Variants in GPC5 observed in about 807,000 individuals in gnomAD.
The protein encoded by GPC5 is glypican 5.
GPC5 carries 47 observed loss-of-function variants against 53.9 expected under a neutral mutation model. That is an observed-to-expected ratio of 0.87 (90% CI 0.69 to 1.11). The LOEUF (loss-of-function observed/expected upper bound fraction) is 1.11. GPC5 is among the 50% of genes most tolerant of loss of function. The pLI, the probability that GPC5 is intolerant of heterozygous loss-of-function variation, is 0.00. For synonymous variants in GPC5, 286 were observed against 263.3 expected (o/e 1.09, Z -0.84); for missense variants, 748 against 713.1 (o/e 1.05, Z -0.56).
intron 5 of GPC5, among the ~76,000 whole-genome samples, chr13:91,800,217 G>A (rs1482412060): frequency 1.3e-5 from 2 of 151,870 alleles, no homozygotes; most frequent in African/African-American, 4.8e-5. Flanking sequence ...TCAGACACTT[G>A]TACCTTGACA....
At chr13:92,445,217 C>T (rs1248326865) in intron 7 of GPC5, among the ~76,000 whole-genome samples, 1 of 149,542 alleles carries the variant, frequency 6.7e-6, no homozygotes, top group African/African-American at 2.5e-5. Flanking sequence ...CCCTCTCTCT[C>T]CTCTCAAGAG....
intron 2 of GPC5, among the ~76,000 whole-genome samples, chr13:91,568,028 A>G (rs1396605786): frequency 6.6e-6 from 1 of 152,132 alleles, no homozygotes; most frequent in Non-Finnish European, 1.5e-5. Flanking sequence ...TTTCCTTCAC[A>G]TGCTAACACA....
intron 5 of GPC5, 54 bp downstream of exon 5, chr13:91,756,474 T>G (rs750058767): frequency 9.6e-6 from 14 of 1,454,478 alleles, no homozygotes; most frequent in Non-Finnish European, 1.3e-5. Flanking sequence ...TGCTTTCTTT[T>G]TCTGAATCTT....
intron 7 of GPC5, among the ~76,000 whole-genome samples, chr13:92,515,102 A>G (rs577120675): frequency 2.0e-5 from 3 of 152,330 alleles, no homozygotes; most frequent in Admixed American, 1.3e-4. Flanking sequence ...TAAAACCAGT[A>G]AAGAGAATAA....
intron 7 of GPC5, among the ~76,000 whole-genome samples, chr13:92,452,003 A>C (rs1878079708): frequency 6.6e-6 from 1 of 152,256 alleles, no homozygotes; most frequent in African/African-American, 2.4e-5. Context: ...AAGGGGAAAA[A>C]TAGGATTGGG....
chr13:92,561,030 G>T (rs1594305534), intron 7 of GPC5, among the ~76,000 whole-genome samples: 1 of 151,852 alleles, frequency 6.6e-6, no homozygotes, highest in African/African-American at 2.4e-5. Context: ...GATTTATGCA[G>T]TTAAATCTTT....
intron 7 of GPC5, among the ~76,000 whole-genome samples, chr13:92,342,193 A>G (rs2043372417): frequency 1.3e-5 from 2 of 152,072 alleles, no homozygotes; most frequent in African/African-American, 4.8e-5. Flanking sequence ...TGACCTATTC[A>G]GTTGCCTGCT....
intron 7 of GPC5, among the ~76,000 whole-genome samples, chr13:92,429,358 T>C (rs911397895): frequency 1.3e-5 from 2 of 151,892 alleles, no homozygotes. Context: ...CACCTTCCTA[T>C]GACTACTCAG....
At chr13:91,903,185 A>G (rs549296253) in intron 5 of GPC5, among the ~76,000 whole-genome samples, 6 of 152,264 alleles carry the variant, frequency 3.9e-5, no homozygotes, top group African/African-American at 1.4e-4. Context: ...AAATTAGATC[A>G]TAGAATATGT....
chr13:92,850,820 G>T (rs912300976), intron 7 of GPC5, among the ~76,000 whole-genome samples: 2 of 152,060 alleles, frequency 1.3e-5, no homozygotes, highest in Non-Finnish European at 2.9e-5. Flanking sequence ...TACAGTTGAG[G>T]GTAAAAGTAA....
intron 4 of GPC5, among the ~76,000 whole-genome samples, chr13:91,752,157 T>C (rs1360606735): frequency 1.3e-5 from 2 of 152,214 alleles, no homozygotes; most frequent in Non-Finnish European, 1.5e-5. Context: ...ACCAGTCATA[T>C]TGGATTAGCA....
intron 6 of GPC5, among the ~76,000 whole-genome samples, chr13:92,126,123 T>C (rs1281849878): frequency 6.6e-6 from 1 of 151,666 alleles, no homozygotes; most frequent in African/African-American, 2.4e-5. Flanking sequence ...CCCAGCTAAT[T>C]TTTGTATTTT....
At position 92,798,225 on chromosome 13, in the gene GPC5, A is replaced by G. The variant is rs900731737; in HGVS notation, c.1562-68057A>G. ...TTTTTGGGTATTTTTTTGTAGCTCA[A>G]TCAAATTTCAGTAAGACATATAGTT... is the stretch of plus-strand genomic sequence containing the variant. On this transcript the variant is annotated intron_variant, in intron 7 of 7. Transcript: ENST00000377067. Among the ~76,000 whole-genome samples the G allele has an allele frequency of 6.6e-5, 10 of 152,002 alleles. No homozygotes were observed. In the East Asian group the frequency reaches 1.8e-3, roughly 27 times the overall value.
chr13:92,148,035 A>G (rs1462669085), intron 7 of GPC5, among the ~76,000 whole-genome samples: 3 of 152,104 alleles, frequency 2.0e-5, no homozygotes, highest in South Asian at 4.1e-4. Context: ...CTTGAAATGC[A>G]CCACTATTTC....
At chr13:92,291,130 T>A (rs12876361) in intron 7 of GPC5, among the ~76,000 whole-genome samples, 1 of 152,058 alleles carries the variant, frequency 6.6e-6, no homozygotes, top group Non-Finnish European at 1.5e-5. Context: ...GCCTCCCCAC[T>A]GCTCCGTGGG....
At chr13:91,527,030 G>C (rs1435429414) in intron 2 of GPC5, among the ~76,000 whole-genome samples, 1 of 152,020 alleles carries the variant, frequency 6.6e-6, no homozygotes, top group East Asian at 1.9e-4. Context: ...GATTTGAGTG[G>C]GGACACAGAA....
At chr13:92,357,737 G>C (rs571286489) in intron 7 of GPC5, among the ~76,000 whole-genome samples, 4 of 151,558 alleles carry the variant, frequency 2.6e-5, no homozygotes, top group Admixed American at 6.6e-5. Flanking sequence ...AGAAGAGAGA[G>C]AGGAGAGGTG....
intron 7 of GPC5, among the ~76,000 whole-genome samples, chr13:92,276,845 G>A (rs1171227756): frequency 6.6e-6 from 1 of 151,924 alleles, no homozygotes; most frequent in East Asian, 1.9e-4. Context: ...TGAAAGCATT[G>A]CATGATAAAA....
chr13:92,865,683 G>A (rs1421348712), intron 7 of GPC5, among the ~76,000 whole-genome samples: 1 of 152,098 alleles, frequency 6.6e-6, no homozygotes, highest in African/African-American at 2.4e-5. Flanking sequence ...AAGGATGTGA[G>A]GTGATGGATA....
Sources: allele counts gnomAD v4.1 joint callset (sites outside exome capture counted in the v4.1 genomes callset), GRCh38; gene constraint gnomAD v4.1.1; transcripts MANE v1.5; gene names NCBI Gene and HGNC (gene_info 2026-07-23, HGNC 2026-07-21).